CCND3: variants seen among roughly 807,000 people sequenced by gnomAD.
CCND3 encodes cyclin D3.
Under a neutral mutation model 28.7 loss-of-function variants are expected in CCND3, and 9 were observed. The ratio of observed to expected loss-of-function variants is 0.31; its 90% confidence interval spans 0.19 to 0.55. The LOEUF (loss-of-function observed/expected upper bound fraction) is 0.55, where lower values mean the gene tolerates loss of function less well. CCND3 is among the 20% of genes least tolerant of loss of function. The probability of loss-of-function intolerance (pLI) is 0.93; values close to 1 mark genes in which losing one functional copy is unlikely to be tolerated. For synonymous variants in CCND3, 164 were observed against 163.9 expected (o/e 1.00, Z 0.00); for missense variants, 315 against 385.8 (o/e 0.82, Z 1.54).
chr6:42,047,850 CA>C (rs1764590621), intron 1 of CCND3: 1 of 152,302 alleles, frequency 6.6e-6, no homozygotes, highest in South Asian at 2.1e-4. Context: ...CCTTCCCAGC[CA>C]CCCCAGCCAG....
intron 1 of CCND3, among the ~76,000 whole-genome samples, chr6:41,963,831 G>A (rs12110546): frequency 0.11 from 16,114 of 151,720 alleles, 1,301 homozygotes; most frequent in East Asian, 0.32. Flanking sequence ...TGAGCTGGCT[G>A]TTCCCTCTGC....
chr6:42,042,437 C>T (rs149917140), intron 1 of CCND3, among the ~76,000 whole-genome samples: 5,808 of 151,870 alleles, frequency 0.038, 200 homozygotes, highest in East Asian at 0.11. Flanking sequence ...CTCGGCTCAC[C>T]ACAACCTCTG....
At chr6:41,947,781 G>A (rs6934551) in intron 1 of CCND3, among the ~76,000 whole-genome samples, 49,648 of 151,696 alleles carry the variant, frequency 0.33, 8,973 homozygotes, top group African/African-American at 0.48. Context: ...CCCCCGGTCC[G>A]AGTTGCATCA....
chr6:41,969,927 C>T (rs894322838), intron 1 of CCND3, among the ~76,000 whole-genome samples: 1 of 152,144 alleles, frequency 6.6e-6, no homozygotes, highest in Non-Finnish European at 1.5e-5. Context: ...GAATGGTGAG[C>T]TGGGCATGGT....
At chr6:41,987,509 CTCTCTCTCTGTGTGTGTGTGTG>C (rs1219826340) in intron 1 of CCND3, among the ~76,000 whole-genome samples, 8 of 68,584 alleles carry the variant, frequency 1.2e-4, no homozygotes, top group African/African-American at 4.9e-4. Context: ...CTCTCTCTCT[CTCTCTCTCTGTGTGTGTGTGTG>C]TGTGTGTGTG....
At chr6:41,988,935 A>G (rs1762572423) in intron 1 of CCND3, among the ~76,000 whole-genome samples, 3 of 151,208 alleles carry the variant, frequency 2.0e-5, no homozygotes, top group African/African-American at 2.4e-5. Context: ...TCCTGACCTC[A>G]TGATCCGCCC....
At chr6:42,005,033 A>T (rs939352313) in intron 1 of CCND3, among the ~76,000 whole-genome samples, 9 of 152,208 alleles carry the variant, frequency 5.9e-5, no homozygotes, top group Non-Finnish European at 1.3e-4. Flanking sequence ...AAAAAGAAAT[A>T]CTGCCAACTC....
At chr6:41,940,332 A>C in intron 2 of CCND3, 38 bp downstream of exon 2, 1 of 1,524,830 alleles carries the variant, frequency 6.6e-7, no homozygotes, top group Non-Finnish European at 9.1e-7. Flanking sequence ...AAGTGGGGAG[A>C]CAATACGTGT....
chr6:42,014,122 T>C lies in CCND3; in HGVS notation c.-46+34379A>G, dbSNP rs191250590. Among the ~76,000 whole-genome samples the C allele has an allele frequency of 1.1e-4, 17 of 150,694 alleles. 1 individual carries two copies. In the East Asian group the frequency reaches 2.6e-3, roughly 23 times the overall value. On this transcript the variant is annotated intron_variant, in intron 1 of 4. Transcript: ENST00000372988. ...GGCTCATGCCTGTAATCCCAGCACGTTGGGAGGCCAAGGCGGGTGGATCAC... is the reference window on the plus strand; with the variant it reads ...GGCTCATGCCTGTAATCCCAGCACGCTGGGAGGCCAAGGCGGGTGGATCAC...
chr6:41,963,030 C>A (rs1162827824), intron 1 of CCND3, among the ~76,000 whole-genome samples: 2 of 152,216 alleles, frequency 1.3e-5, no homozygotes, highest in Non-Finnish European at 2.9e-5. Context: ...GGATTACAGG[C>A]ATGAGCCACC....
chr6:41,980,099 A>G (rs1762299441), intron 1 of CCND3, among the ~76,000 whole-genome samples: 1 of 147,846 alleles, frequency 6.8e-6, no homozygotes, highest in Non-Finnish European at 1.5e-5. Context: ...TCTTAAAAAC[A>G]GGAAGTATCA....
chr6:41,979,105 A>G (rs986821535), intron 1 of CCND3, among the ~76,000 whole-genome samples: 3 of 127,812 alleles, frequency 2.3e-5, no homozygotes, highest in Non-Finnish European at 4.7e-5. Flanking sequence ...CAGGAGTCGG[A>G]GGTTTCAGTG....
At chr6:41,967,803 G>A (rs1481241770) in intron 1 of CCND3, among the ~76,000 whole-genome samples, 1 of 152,128 alleles carries the variant, frequency 6.6e-6, no homozygotes, top group African/African-American at 2.4e-5. Flanking sequence ...TCTTTCCCCA[G>A]TCCCCAGAAT....
rs372668741 is a variant in CCND3, at chr6:41,940,979, G to A, written c.199-394C>T. 2.7e-4 allele frequency: 439 copies of A among 1,612,930 alleles called. No homozygotes were observed. In the African/African-American group the frequency reaches 4.8e-3, roughly 18 times the overall value. On this transcript the variant is annotated intron_variant, in intron 1 of 4. Coordinates refer to ENST00000372991, the MANE Select transcript of CCND3 (RefSeq NM_001760.5). The stretch of plus-strand genomic sequence containing the variant: ...GAGGGGAAGGGAGGAGGCTCCTGCC[G>A]CTGCCTCCTGCACTTTTCATTTCCC...
chr6:41,984,663 T>G (rs1394936100), intron 1 of CCND3, among the ~76,000 whole-genome samples: 1 of 152,198 alleles, frequency 6.6e-6, no homozygotes, highest in African/African-American at 2.4e-5. Flanking sequence ...TTGCTGTTTT[T>G]AAGTTTTCAA....
Position 41,936,984 on chromosome 6 carries a change from C to A in CCND3, c.574+251G>T. ...CAAGAGACTGGGGTTCTGTTCCCAA[C>A]CTGTTCACTGTGAGACCTTGGGCAA... On this transcript the variant is annotated intron_variant, in intron 3 of 4. Transcript: ENST00000372991. The surrounding 1 kb of genome is among the most constrained non-coding windows in gnomAD (Gnocchi z 4.4). The A allele has an allele frequency of 1.7e-6, 1 of 598,762 alleles. No individual in the cohort carries two copies. The highest frequency in any genetic ancestry group is 2.9e-6 in the Non-Finnish European group (1 of 339,418). The allele number at this position is 598,762 out of a possible 1,614,324, so 37.1% of individuals were successfully genotyped here.
chr6:41,936,545 T>TA lies in CCND3; in HGVS notation c.711+13dup, dbSNP rs1402458305. 2 of 1,612,902 alleles carry TA rather than the reference T, an allele frequency of 1.2e-6. No individual in the cohort carries two copies. The highest frequency in any genetic ancestry group is 1.7e-6 in the Non-Finnish European group (2 of 1,179,418). ...ATGAATGGAGAGGCTGCTGCCCAGC[T>TA]ACCCAGCACTCACCACTTCAGTGCC... On this transcript the variant is annotated intron_variant, in intron 4 of 4. Transcript: ENST00000372991. The surrounding 1 kb of genome is among the most constrained non-coding windows in gnomAD (Gnocchi z 4.4).
chr6:41,968,977 G>C (rs1038523891), intron 1 of CCND3, among the ~76,000 whole-genome samples: 1 of 151,908 alleles, frequency 6.6e-6, no homozygotes, highest in Non-Finnish European at 1.5e-5. Context: ...TGTATTTTTA[G>C]TAGAAACGGG....
intron 1 of CCND3, among the ~76,000 whole-genome samples, chr6:42,002,666 C>T (rs12526550): frequency 0.17 from 26,308 of 151,112 alleles, 2,426 homozygotes; most frequent in African/African-American, 0.23. Flanking sequence ...TCCTGGCTAA[C>T]GTGGTGAAAT....
Sources: gnomAD v4.1 joint callset for allele counts (sites outside exome capture counted in the v4.1 genomes callset) on GRCh38, gnomAD v4.1.1 for gene constraint, Gnocchi (gnomAD v3.1) non-coding constraint, MANE v1.5 for transcripts, NCBI Gene and HGNC (gene_info 2026-07-23, HGNC 2026-07-21) for gene names.